The following SLIT1 variants were observed in gnomAD, a reference collection of about 807,000 sequenced individuals.
SLIT1 encodes slit guidance ligand 1, also known as slit homolog 1 protein.
In SLIT1, 66 loss-of-function variants were observed where a neutral mutation model predicts 186.1. The ratio of observed to expected loss-of-function variants is 0.35; its 90% CI spans 0.29 to 0.44. The LOEUF is 0.44. Ranked by LOEUF, SLIT1 falls within the 20% of genes least tolerant of loss-of-function variation. The pLI is 1.00. For missense variants in SLIT1, 1,638 were observed against 2,037.4 expected, an observed-to-expected ratio of 0.80 and a Z score of 3.77; for synonymous variants, 761 against 833.8, an observed-to-expected ratio of 0.91 and a Z score of 1.50.
Position 97,098,240 on chromosome 10 carries a change from T to C in SLIT1, c.414-32154A>G, listed in dbSNP as rs557669360. On this transcript the variant is annotated intron_variant, in intron 4 of 36. Coordinates refer to ENST00000266058, the MANE Select transcript of SLIT1 (RefSeq NM_003061.3). Reference sequence around the variant, plus strand: ...CCGGGATGACCCGGGGGGCTAAGAGTTCTGGGGCTCTCGCTATGGGCCGGA... The same window carrying C: ...CCGGGATGACCCGGGGGGCTAAGAGCTCTGGGGCTCTCGCTATGGGCCGGA... Among the ~76,000 whole-genome samples, 13 of 152,082 alleles carry C rather than the reference T, an allele frequency of 8.5e-5. No homozygotes were observed. The East Asian group carries it at 2.5e-3, about 29-fold the overall frequency.
At chr10:97,080,088 G>A (rs1031436986) in intron 4 of SLIT1, among the ~76,000 whole-genome samples, 2 of 152,206 alleles carry the variant, frequency 1.3e-5, no homozygotes, top group Non-Finnish European at 2.9e-5. Flanking sequence ...AAACAAAAGA[G>A]AGGTGCAGCC....
intron 4 of SLIT1, chr10:97,154,149 A>G (rs1326682690): frequency 3.3e-5 from 5 of 152,214 alleles, no homozygotes; most frequent in Non-Finnish European, 7.3e-5. Flanking sequence ...ATATTAGAAG[A>G]ATATTAACAA....
intron 32 of SLIT1, among the ~76,000 whole-genome samples, chr10:97,005,666 G>A (rs1029183601): frequency 2.6e-5 from 4 of 152,236 alleles, no homozygotes; most frequent in Non-Finnish European, 5.9e-5. Context: ...GGCTGGTTAG[G>A]GTTTTGGTGA....
chr10:97,095,877 G>A (rs1019396240), intron 4 of SLIT1, among the ~76,000 whole-genome samples: 1 of 152,206 alleles, frequency 6.6e-6, no homozygotes, highest in Non-Finnish European at 1.5e-5. Flanking sequence ...CCACTAATGT[G>A]CACACAAATC....
Position 97,021,483 on chromosome 10 carries a change from T to TTCTGCG in SLIT1, c.2583-71_2583-70insCGCAGA. 1 of 1,459,036 alleles carries TTCTGCG rather than the reference T, an allele frequency of 6.9e-7. No individual in the cohort carries two copies. Among genetic ancestry groups the TTCTGCG allele is most frequent in the Non-Finnish European group, 9.3e-7 (1 of 1,070,572 alleles). 90.4% of individuals were successfully genotyped at this position (1,459,036 alleles called of 1,614,324 possible). A position where few individuals can be genotyped will look rare whatever the true frequency, so the allele number is the denominator to read the frequency against. ...TCCCTCGCCCACTGGGAACCTAGAG[T>TTCTGCG]CCCAGGCACTGCACCAGGGGCTGGC... On this transcript the variant is annotated intron_variant, in intron 25 of 36. Coordinates refer to ENST00000266058, the MANE Select transcript of SLIT1 (RefSeq NM_003061.3). The surrounding 1 kb of genome is among the most constrained non-coding windows in gnomAD (Gnocchi z 4.5).
rs758684329 is a variant in SLIT1, at chr10:97,004,727, C to T, written c.3676G>A (p.Asp1226Asn). The T allele has an allele frequency of 2.5e-6, 4 of 1,614,134 alleles. No homozygotes were observed. The highest frequency in any genetic ancestry group is 1.7e-5 in the Admixed American group (1 of 60,022). The change falls in exon 33 of 37, where the codon GAC (aspartate) becomes AAC (asparagine). Residue 1226 changes from aspartate to asparagine, a missense_variant. Around this residue, in one of 3 missense-constraint regions of SLIT1, gnomAD observed 173 missense variants for 290.9 expected, o/e 0.59. Coordinates refer to ENST00000266058, the MANE Select transcript of SLIT1 (RefSeq NM_003061.3). This position sits in a 1 kb window ranked among gnomAD's most constrained non-coding sequence, Gnocchi z 5.1. ...LYQGHVRVSY[D>N]PGSYPSSAIY... ...GCAGAGCTGGGGTAGCTGCCTGGGTCGTAGCTGACACGCACATGGCCCTGG... is the reference window on the plus strand; with the variant it reads ...GCAGAGCTGGGGTAGCTGCCTGGGTTGTAGCTGACACGCACATGGCCCTGG...
chr10:97,164,921 G>T, intron 1 of SLIT1, 31 bp from the exon 2 acceptor site: 2 of 1,558,788 alleles, frequency 1.3e-6, no homozygotes, highest in Non-Finnish European at 1.8e-6. Flanking sequence ...GGAAGCAGTG[G>T]GGTGAGCAGG....
intron 4 of SLIT1, among the ~76,000 whole-genome samples, chr10:97,082,348 G>A (rs533959049): frequency 8.2e-4 from 125 of 152,310 alleles, no homozygotes; most frequent in Non-Finnish European, 1.5e-3. Context: ...AACATTTATC[G>A]TGCATTTACT....
In SLIT1 at chr10:97,098,226, C is replaced by T. The variant is rs147138072; in HGVS notation, c.414-32140G>A. 3.3e-3 allele frequency among the ~76,000 whole-genome samples: 505 copies of T among 152,288 alleles called. 3 individuals carry two copies. The highest frequency in any genetic ancestry group is 0.012 in the African/African-American group (482 of 41,568). On this transcript the variant is annotated intron_variant, in intron 4 of 36. Transcript: ENST00000266058. ...TGAGAAAACAGTGACCGGGATGACC[C>T]GGGGGGCTAAGAGTTCTGGGGCTCT...
chr10:97,046,851 G>T, intron 17 of SLIT1, 54 bp from the exon 18 acceptor site: 1 of 1,597,902 alleles, frequency 6.3e-7, no homozygotes. Flanking sequence ...AGGAGCTCAG[G>T]CCCCTCCCTT....
chr10:97,026,490 AAAT>A lies in SLIT1; in HGVS notation c.2582+4264_2582+4266del, dbSNP rs971314299. Among the ~76,000 whole-genome samples, 31 of 140,790 alleles carry A rather than the reference AAAT, an allele frequency of 2.2e-4. 1 individual carries two copies. The highest frequency in any genetic ancestry group is 7.0e-4 in the African/African-American group (28 of 40,282). The allele number at this position is 140,790 out of a possible 152,430, so 92.4% of individuals were successfully genotyped here. A position where few individuals can be genotyped will look rare whatever the true frequency, so the allele number is the denominator to read the frequency against. On this transcript the variant is annotated intron_variant, in intron 25 of 36. Transcript: ENST00000266058. ...TAAATAAATAAATAAATAAATAAAT[AAAT>A]AAATAAATGTGTTGTCTTTATCATC...
At chr10:97,105,929 T>A (rs1849409590) in intron 4 of SLIT1, among the ~76,000 whole-genome samples, 1 of 152,252 alleles carries the variant, frequency 6.6e-6, no homozygotes, top group Non-Finnish European at 1.5e-5. Flanking sequence ...AGGAAAGGCA[T>A]GCAGGAGGTC....
chr10:97,067,011 A>C (rs1024833305), intron 4 of SLIT1, among the ~76,000 whole-genome samples: 1 of 152,200 alleles, frequency 6.6e-6, no homozygotes, highest in African/African-American at 2.4e-5. Context: ...AAGCTGACTC[A>C]GGAAGGACAG....
rs969656299 is a variant in SLIT1 at position 97,003,083 on chromosome 10, C to T, written c.3866-91G>A. The stretch of plus-strand genomic sequence containing the variant: ...GAGGTCTGGGCAGCTCCATGGCCTT[C>T]CCTCTTGCCTGCGGCCTCTGTCCTT... On this transcript the variant is annotated intron_variant, in intron 34 of 36. Coordinates refer to ENST00000266058, the MANE Select transcript of SLIT1 (RefSeq NM_003061.3). 145 of 1,271,152 alleles carry T rather than the reference C, an allele frequency of 1.1e-4. 1 individual carries two copies. The highest frequency in any genetic ancestry group is 1.5e-4 in the Non-Finnish European group (133 of 903,008). 78.7% of individuals were successfully genotyped at this position (1,271,152 alleles called of 1,614,324 possible). A position where few individuals can be genotyped will look rare whatever the true frequency, so the allele number is the denominator to read the frequency against.
intron 34 of SLIT1, 80 bp downstream of exon 34, chr10:97,003,988 G>A: frequency 2.3e-6 from 3 of 1,311,156 alleles, no homozygotes; most frequent in Non-Finnish European, 3.2e-6. Context: ...ATTTCCCACA[G>A]TGCAGTCCCT....
At chr10:97,116,053 G>A (rs1368860366) in intron 4 of SLIT1, among the ~76,000 whole-genome samples, 1 of 152,154 alleles carries the variant, frequency 6.6e-6, no homozygotes, top group East Asian at 1.9e-4. Flanking sequence ...GTGACCTTGG[G>A]CAAGTTGCCT....
chr10:97,070,379 ACTT>A (rs1236487567), intron 4 of SLIT1, among the ~76,000 whole-genome samples: 1 of 152,038 alleles, frequency 6.6e-6, no homozygotes, highest in African/African-American at 2.4e-5. Flanking sequence ...TGGCTACATC[ACTT>A]CTTTTTGGGG....
At chr10:97,127,374 T>A (rs1385104126) in intron 4 of SLIT1, among the ~76,000 whole-genome samples, 2 of 152,178 alleles carry the variant, frequency 1.3e-5, no homozygotes, top group Non-Finnish European at 2.9e-5. Flanking sequence ...CCAAGCCTTA[T>A]AGCTTAAAAG....
At chr10:97,144,542 T>C (rs1210011089) in intron 4 of SLIT1, among the ~76,000 whole-genome samples, 2 of 152,042 alleles carry the variant, frequency 1.3e-5, no homozygotes. Flanking sequence ...GCCTGCCAAA[T>C]CCTGAGTGCA....
Sources: gnomAD v4.1 joint callset for allele counts (sites outside exome capture counted in the v4.1 genomes callset) on GRCh38, gnomAD v4.1.1 for gene constraint, gnomAD v4.1.1 regional missense constraint, Gnocchi (gnomAD v3.1) non-coding constraint, MANE v1.5 for transcripts, NCBI Gene and HGNC (gene_info 2026-07-23, HGNC 2026-07-21) for gene names.